The following SH3GL3 variants were observed in gnomAD, a reference collection of about 807,000 sequenced individuals.
SH3GL3 encodes endophilin-A3.
SH3GL3 carries 33 observed loss-of-function variants against 47.7 expected under a neutral mutation model. The ratio of observed to expected loss-of-function variants is 0.69; its 90% CI spans 0.52 to 0.92. SH3GL3 has a LOEUF of 0.92. Ranked by LOEUF, SH3GL3 falls within the 40% of genes least tolerant of loss-of-function variation. The pLI is 0.00. For missense variants in SH3GL3, 363 were observed against 417.8 expected (o/e 0.87, Z 1.14); for synonymous variants, 155 against 148.8 (o/e 1.04, Z -0.30).
At position 83,517,053 on chromosome 15, in the gene SH3GL3, A is replaced by T. The variant is rs542693154; in HGVS notation, c.46-42200A>T. Reference sequence around the variant, plus strand: ...TCTGGGGTCTTTTCAGTTTTTGGCTATTACAAATATTGCTGCTATGAACAT... The same window carrying T: ...TCTGGGGTCTTTTCAGTTTTTGGCTTTTACAAATATTGCTGCTATGAACAT... On this transcript the variant is annotated intron_variant, in intron 1 of 8. Coordinates refer to ENST00000427482, the MANE Select transcript of SH3GL3 (RefSeq NM_003027.5). 2.6e-5 allele frequency among the ~76,000 whole-genome samples: 4 copies of T among 152,066 alleles called. No homozygotes were observed. The South Asian group carries it at 8.3e-4, about 32-fold the overall frequency.
intron 8 of SH3GL3, among the ~76,000 whole-genome samples, chr15:83,607,338 A>G (rs1258855388): frequency 6.6e-6 from 1 of 152,236 alleles, no homozygotes; most frequent in Non-Finnish European, 1.5e-5. Flanking sequence ...GTGATGTTGC[A>G]CCATCCAGAG....
intron 1 of SH3GL3, among the ~76,000 whole-genome samples, chr15:83,474,311 G>C (rs1372039602): frequency 3.3e-5 from 5 of 152,170 alleles, no homozygotes; most frequent in African/African-American, 1.2e-4. Context: ...ATTGGGGCCT[G>C]AATGTCCTGC....
At chr15:83,529,527 G>T (rs901487628) in intron 1 of SH3GL3, among the ~76,000 whole-genome samples, 1 of 152,040 alleles carries the variant, frequency 6.6e-6, no homozygotes, top group Non-Finnish European at 1.5e-5. Flanking sequence ...AGAGTGATCC[G>T]CAGGCCCCTG....
At chr15:83,621,089 T>G (rs2060914442), downstream of SH3GL3, among the ~76,000 whole-genome samples, 1 of 152,230 alleles carries the variant, frequency 6.6e-6, no homozygotes, top group Admixed American at 6.5e-5. Flanking sequence ...CTTCAGGTAA[T>G]GCAGCTGGTT....
chr15:83,594,888 T>G (rs899338517), intron 8 of SH3GL3, among the ~76,000 whole-genome samples: 3 of 152,196 alleles, frequency 2.0e-5, no homozygotes, highest in Non-Finnish European at 2.9e-5. Context: ...TGAGACAGCT[T>G]ATACACTGCT....
intron 1 of SH3GL3, among the ~76,000 whole-genome samples, chr15:83,556,738 A>G (rs1489080518): frequency 6.6e-6 from 1 of 152,248 alleles, no homozygotes; most frequent in Non-Finnish European, 1.5e-5. Flanking sequence ...AGACAAAAAA[A>G]AAAGTTCATT....
chr15:83,448,201 G>A lies in SH3GL3; in HGVS notation c.45+623G>A, dbSNP rs1336947821. 6.6e-6 allele frequency among the ~76,000 whole-genome samples: 1 copy of A among 152,218 alleles called. No homozygotes were observed. Among genetic ancestry groups the A allele is most frequent in the African/African-American group, 2.4e-5 (1 of 41,462 alleles). On this transcript the variant is annotated intron_variant, in intron 1 of 8. Coordinates refer to ENST00000427482, the MANE Select transcript of SH3GL3 (RefSeq NM_003027.5). The surrounding 1 kb of genome is among the most constrained non-coding windows in gnomAD (Gnocchi z 4.2). ...GGCATCACGCTTCTGCTCTTACAGA[G>A]CTGACAGCCTGCAGGGGAGACACGG...
the SH3GL3 span, among the ~76,000 whole-genome samples, chr15:83,625,458 C>T: frequency 6.6e-6 from 1 of 152,182 alleles, no homozygotes; most frequent in East Asian, 1.9e-4. Flanking sequence ...TGTGGCCCTA[C>T]CCCACTGGCC....
At chr15:83,604,100 C>T (rs542959988) in intron 8 of SH3GL3, among the ~76,000 whole-genome samples, 45 of 151,992 alleles carry the variant, frequency 3.0e-4, no homozygotes, top group Non-Finnish European at 5.3e-4. Context: ...GAGCCGAGAT[C>T]GCACCATTGC....
intron 1 of SH3GL3, among the ~76,000 whole-genome samples, chr15:83,459,026 A>G (rs2151501919): frequency 6.6e-6 from 1 of 152,372 alleles, no homozygotes. Flanking sequence ...TGCAGCCTTC[A>G]GTCTGGGCCG....
At chr15:83,620,432 C>T (rs1398314223), downstream of SH3GL3, among the ~76,000 whole-genome samples, 2 of 152,188 alleles carry the variant, frequency 1.3e-5, no homozygotes, top group African/African-American at 4.8e-5. Context: ...ATAGAAATTA[C>T]TTCTTGATCC....
At chr15:83,468,076 C>T (rs562213381) in intron 1 of SH3GL3, among the ~76,000 whole-genome samples, 4 of 152,264 alleles carry the variant, frequency 2.6e-5, no homozygotes, top group South Asian at 2.1e-4. Flanking sequence ...GTGATCTGCC[C>T]GCCTTGGCCT....
At chr15:83,559,398 A>G in intron 2 of SH3GL3, 77 bp downstream of exon 2, 1 of 827,836 alleles carries the variant, frequency 1.2e-6, no homozygotes, top group Middle Eastern at 2.3e-4. Flanking sequence ...ATTGTAAAGG[A>G]TATTCGAGTG....
chr15:83,494,971 C>T (rs1268092326), intron 1 of SH3GL3, among the ~76,000 whole-genome samples: 1 of 152,122 alleles, frequency 6.6e-6, no homozygotes, highest in Non-Finnish European at 1.5e-5. Flanking sequence ...TGCACCTCCT[C>T]CCTCTCCCCC....
intron 1 of SH3GL3, among the ~76,000 whole-genome samples, chr15:83,453,584 T>C (rs890665303): frequency 5.3e-5 from 8 of 151,854 alleles, no homozygotes; most frequent in Non-Finnish European, 5.9e-5. Context: ...GATTTTCTGA[T>C]TTATTTGCGT....
chr15:83,580,001 G>T (rs904085131), intron 6 of SH3GL3, among the ~76,000 whole-genome samples: 1 of 152,196 alleles, frequency 6.6e-6, no homozygotes, highest in Non-Finnish European at 1.5e-5. Context: ...AATGTGACTA[G>T]TTGGGAGAAA....
chr15:83,503,761 A>G (rs1035658333), intron 1 of SH3GL3, among the ~76,000 whole-genome samples: 15 of 152,208 alleles, frequency 9.9e-5, no homozygotes, highest in Admixed American at 6.5e-4. Context: ...TTTCCTAGGG[A>G]AAAAAAGTAA....
intron 1 of SH3GL3, among the ~76,000 whole-genome samples, chr15:83,497,180 G>A (rs527577746): frequency 6.6e-6 from 1 of 152,134 alleles, no homozygotes; most frequent in Non-Finnish European, 1.5e-5. Context: ...TTCTTGAATG[G>A]CTTCCTCTTC....
chr15:83,572,328 T>C lies in SH3GL3; in HGVS notation c.332-237T>C, dbSNP rs562578234. Among the ~76,000 whole-genome samples, 7 of 152,340 alleles carry C rather than the reference T, an allele frequency of 4.6e-5. No homozygotes were observed. The East Asian group carries it at 5.8e-4, about 13-fold the overall frequency. On this transcript the variant is annotated intron_variant, in intron 4 of 8. Transcript: ENST00000427482. ...GGTCCAAATGGTAAGTACTTCGGTC[T>C]GCTAGCCTCAGTTGTATTTTCTGTA...
Sources: gnomAD v4.1 joint callset for allele counts (sites outside exome capture counted in the v4.1 genomes callset) on GRCh38, gnomAD v4.1.1 for gene constraint, Gnocchi (gnomAD v3.1) non-coding constraint, MANE v1.5 for transcripts, NCBI Gene and HGNC (gene_info 2026-07-23, HGNC 2026-07-21) for gene names.